ZNF486: variants seen among roughly 807,000 people sequenced by gnomAD.
ZNF486 encodes zinc finger protein 486.
ZNF486 carries 12 observed loss-of-function variants against 12.8 expected under a neutral mutation model. That is an observed-to-expected ratio of 0.94 (90% CI 0.60 to 1.52). The LOEUF (loss-of-function observed/expected upper bound fraction) is 1.52, where lower values mean the gene tolerates loss of function less well. Ranked by LOEUF, ZNF486 falls within the 40% of genes most tolerant of loss-of-function variation. The pLI, the probability that ZNF486 is intolerant of heterozygous loss-of-function variation, is 0.00. For missense variants in ZNF486, 738 were observed against 545.0 expected (o/e 1.35, Z -3.53); for synonymous variants, 231 against 184.9 (o/e 1.25, Z -2.02).
intron 3 of ZNF486, among the ~76,000 whole-genome samples, chr19:20,194,643 C>T (rs868915210): frequency 2.0e-5 from 3 of 152,094 alleles, no homozygotes; most frequent in Middle Eastern, 3.4e-3. Context: ...CAGGAGAATC[C>T]CTTGAACCCG....
chr19:20,189,387 A>G (rs1407867866), intron 3 of ZNF486, among the ~76,000 whole-genome samples: 1 of 152,212 alleles, frequency 6.6e-6, no homozygotes, highest in African/African-American at 2.4e-5. Context: ...CGTATTTTGT[A>G]AATAGATATA....
intron 3 of ZNF486, among the ~76,000 whole-genome samples, chr19:20,195,499 T>C (rs1052104728): frequency 6.6e-5 from 10 of 152,348 alleles, no homozygotes; most frequent in Admixed American, 3.3e-4. Context: ...TAAAAATTAC[T>C]TTGTATACTT....
chr19:20,185,503 T>A (rs2089832987), intron 2 of ZNF486, among the ~76,000 whole-genome samples: 1 of 145,300 alleles, frequency 6.9e-6, no homozygotes, highest in African/African-American at 2.5e-5. Context: ...CTCTGCCTCC[T>A]GGGTTCAAGC....
chr19:20,178,794 G>A lies in ZNF486; in HGVS notation c.31-5562G>A, dbSNP rs560166009. Among the ~76,000 whole-genome samples, 10 of 152,260 alleles carry A rather than the reference G, an allele frequency of 6.6e-5. No homozygotes were observed. In the East Asian group the frequency reaches 9.6e-4, roughly 15 times the overall value. Reference sequence around the variant, plus strand: ...ATCAGATTTCTACAAATTTCATAGGGCAGCAATCAATCATTTTATCTCTTT... The same window carrying A: ...ATCAGATTTCTACAAATTTCATAGGACAGCAATCAATCATTTTATCTCTTT... On this transcript the variant is annotated intron_variant, in intron 1 of 3. Coordinates refer to ENST00000335117, the MANE Select transcript of ZNF486 (RefSeq NM_052852.4).
intron 1 of ZNF486, among the ~76,000 whole-genome samples, chr19:20,173,685 A>G (rs2089674186): frequency 6.6e-6 from 1 of 152,084 alleles, no homozygotes; most frequent in African/African-American, 2.4e-5. Context: ...AAAAAAAATT[A>G]GTCAGGCGTG....
chr19:20,175,863 G>T (rs1187548326), intron 1 of ZNF486, among the ~76,000 whole-genome samples: 5 of 152,198 alleles, frequency 3.3e-5, no homozygotes, highest in Admixed American at 6.5e-5. Flanking sequence ...TCCCAGATGG[G>T]GTGGTGGCCG....
At chr19:20,190,769 T>A (rs1490508537) in intron 3 of ZNF486, among the ~76,000 whole-genome samples, 1 of 152,198 alleles carries the variant, frequency 6.6e-6, no homozygotes, top group African/African-American at 2.4e-5. Context: ...TTATCTTGGT[T>A]TTGACTGGAG....
intron 3 of ZNF486, among the ~76,000 whole-genome samples, chr19:20,192,228 G>C (rs1210602873): frequency 6.6e-6 from 1 of 152,052 alleles, no homozygotes. Context: ...ATGCTACAAT[G>C]AGTCTCTTGT....
intron 1 of ZNF486, among the ~76,000 whole-genome samples, chr19:20,175,482 T>C (rs2089697374): frequency 6.6e-6 from 1 of 151,352 alleles, no homozygotes; most frequent in Non-Finnish European, 1.5e-5. Context: ...CCTGCGGCCT[T>C]CCGCAGTGTT....
intron 1 of ZNF486, chr19:20,175,083 C>A (rs1568317357): frequency 6.6e-6 from 1 of 152,164 alleles, no homozygotes; most frequent in Non-Finnish European, 1.5e-5. Context: ...TAGGAGATGA[C>A]AGAACAGCAG....
chr19:20,184,417 A>G lies in ZNF486; in HGVS notation c.92A>G (p.Asp31Gly). ...TCTCTGGAGGAGTGGCATTGCCTGG[A>G]CACTGCACAGCAGAATTTATATAGG... The part of the protein sequence containing the change: ...EFSLEEWHCL[D>G]TAQQNLYRDV... Residue 31 changes from aspartate to glycine, a missense_variant, in exon 2 of 4, where the codon GAC becomes GGC. Asp to Gly is a moderately conservative substitution (Grantham distance 94, BLOSUM62 -1). Transcript: ENST00000335117. 6.2e-7 allele frequency: 1 copy of G among 1,613,690 alleles called. No homozygotes were observed. Among genetic ancestry groups the G allele is most frequent in the Admixed American group, 1.7e-5 (1 of 59,992 alleles).
intron 3 of ZNF486, chr19:20,188,432 C>G (rs1002921109): frequency 2.5e-6 from 1 of 398,264 alleles, no homozygotes; most frequent in Non-Finnish European, 4.4e-6. Context: ...ATCTGTAATC[C>G]CAGGATTTTG....
chr19:20,183,155 T>G lies in ZNF486; in HGVS notation c.31-1201T>G, dbSNP rs531268399. Among the ~76,000 whole-genome samples the G allele has an allele frequency of 2.6e-5, 4 of 152,350 alleles. No homozygotes were observed. The East Asian group carries it at 5.8e-4, about 22-fold the overall frequency. ...ATAGCTTCTTATATGCCATGCAGAA[T>G]TCTCAGCAAGAATTTGTAATCTGCA... On this transcript the variant is annotated intron_variant, in intron 1 of 3. Transcript: ENST00000335117.
chr19:20,197,570 T>A lies in ZNF486; in HGVS notation c.860T>A (p.Ile287Asn). ...YPYTLTTHKI[I>N]HTGEQPYKCK... ...TATACCCTTACTACACATAAGATAA[T>A]CCATACTGGAGAGCAACCCTACAAA... is the stretch of plus-strand genomic sequence containing the variant. The change falls in exon 4 of 4, where the codon ATC (isoleucine) becomes AAC (asparagine). Residue 287 changes from isoleucine (I) to asparagine (N), a missense_variant. Transcript: ENST00000335117. The A allele has an allele frequency of 6.2e-7, 1 of 1,613,074 alleles. No individual in the cohort carries two copies. The highest frequency in any genetic ancestry group is 1.7e-5 in the Admixed American group (1 of 59,946).
At chr19:20,190,440 T>C (rs967681430) in intron 3 of ZNF486, among the ~76,000 whole-genome samples, 5 of 152,236 alleles carry the variant, frequency 3.3e-5, no homozygotes, top group Non-Finnish European at 5.9e-5. Context: ...GCTGGAGTGC[T>C]GTGGCATAAT....
At chr19:20,194,100 T>C (rs1198130915) in intron 3 of ZNF486, among the ~76,000 whole-genome samples, 3 of 151,826 alleles carry the variant, frequency 2.0e-5, no homozygotes, top group Non-Finnish European at 4.4e-5. Context: ...TTAGAGAGTA[T>C]TAAAAATGTT....
At chr19:20,175,701 A>C (rs887365918) in intron 1 of ZNF486, among the ~76,000 whole-genome samples, 1 of 152,172 alleles carries the variant, frequency 6.6e-6, no homozygotes, top group Non-Finnish European at 1.5e-5. Context: ...CTTAGTACAG[A>C]CCAAAATGAA....
chr19:20,185,895 A>C, intron 2 of ZNF486, 92 bp from the exon 3 acceptor site: 1 of 691,410 alleles, frequency 1.4e-6, no homozygotes, highest in African/African-American at 1.9e-5. Context: ...ATTTACTAGA[A>C]TATTTTATTA....
In ZNF486 at chr19:20,197,493, T is replaced by G; in HGVS notation, c.783T>G (p.Ser261Arg). The G allele has an allele frequency of 6.2e-7, 1 of 1,609,050 alleles. No homozygotes were observed. Residue 261 changes from serine (S) to arginine (R), a missense_variant, in exon 4 of 4, where the codon AGT becomes AGG. Physicochemically the swap from Ser to Arg is moderately radical, Grantham distance 110. Transcript: ENST00000335117. ...TTACTACACATAAGAAAATTCATAG[T>G]GGAGAGAAACCCTACATTTGTGAAG... Reference protein sequence around the residue: ...SSFTTHKKIHSGEKPYICEEC... With the variant: ...SSFTTHKKIHRGEKPYICEEC...
Sources: allele counts gnomAD v4.1 joint callset (sites outside exome capture counted in the v4.1 genomes callset), GRCh38; gene constraint gnomAD v4.1.1; transcripts MANE v1.5; gene names NCBI Gene and HGNC (gene_info 2026-07-23, HGNC 2026-07-21).